RHBDF2: variants seen among roughly 807,000 people sequenced by gnomAD.
RHBDF2 encodes the protein inactive rhomboid protein 2.
A neutral mutation model predicts 95.2 loss-of-function variants in RHBDF2; 38 were observed. The ratio of observed to expected loss-of-function variants is 0.40; its 90% CI spans 0.31 to 0.52. The LOEUF is 0.52. Ranked by LOEUF, RHBDF2 falls within the 20% of genes least tolerant of loss-of-function variation. RHBDF2 has a pLI of 0.56. For missense variants in RHBDF2, 863 were observed against 1,137.7 expected (o/e 0.76, Z 3.47); for synonymous variants, 442 against 462.0 (o/e 0.96, Z 0.55).
Position 76,476,766 on chromosome 17 carries a change from A to G in RHBDF2, c.1115+64T>C, listed in dbSNP as rs1598659569. 3 of 1,500,158 alleles carry G rather than the reference A, an allele frequency of 2.0e-6. No individual in the cohort carries two copies. The South Asian group carries it at 3.8e-5, about 19-fold the overall frequency. The allele number at this position is 1,500,158 out of a possible 1,614,324, so 92.9% of individuals were successfully genotyped here. On this transcript the variant is annotated intron_variant, in intron 9 of 18. Coordinates refer to ENST00000675367, the MANE Select transcript of RHBDF2 (RefSeq NM_001005498.4). ...TGCTGAATGAGTAAGGGGGCGCTTCAGGAGGGCCCAGAGGAATTTGGAACC... is the reference window on the plus strand; with the variant it reads ...TGCTGAATGAGTAAGGGGGCGCTTCGGGAGGGCCCAGAGGAATTTGGAACC...
chr17:76,497,357 T>C (rs1233656975), intron 1 of RHBDF2, among the ~76,000 whole-genome samples: 1 of 152,134 alleles, frequency 6.6e-6, no homozygotes, highest in Non-Finnish European at 1.5e-5. Context: ...GGAAAACCCC[T>C]GGGCAGAGGT....
chr17:76,473,328 C>CT lies in RHBDF2; in HGVS notation c.1734-2dup, dbSNP rs772092862. Reference sequence around the variant, plus strand: ...GTATTCCCGGGTGGTGATCTCACAGCTAAGGGGGTGGTGAGGCAAGAGGGG... The same window carrying CT: ...GTATTCCCGGGTGGTGATCTCACAGCTTAAGGGGGTGGTGAGGCAAGAGGGG... On this transcript the variant is annotated splice_acceptor_variant, in intron 15 of 18. Coordinates refer to ENST00000675367, the MANE Select transcript of RHBDF2 (RefSeq NM_001005498.4). LOFTEE classifies it high-confidence loss of function. The CT allele has an allele frequency of 3.7e-6, 6 of 1,610,368 alleles. No homozygotes were observed. Among genetic ancestry groups the CT allele is most frequent in the Non-Finnish European group, 5.1e-6 (6 of 1,178,150 alleles).
chr17:76,498,603 C>A (rs1358557167), intron 1 of RHBDF2, among the ~76,000 whole-genome samples: 1 of 152,234 alleles, frequency 6.6e-6, no homozygotes, highest in Non-Finnish European at 1.5e-5. Flanking sequence ...AGAGTTTACA[C>A]AGCAAGGACA....
chr17:76,491,337 C>T (rs144357228), intron 1 of RHBDF2, among the ~76,000 whole-genome samples: 1 of 152,198 alleles, frequency 6.6e-6, no homozygotes, highest in Non-Finnish European at 1.5e-5. Flanking sequence ...GGATCCGCTG[C>T]ATGGCTGGCA....
intron 2 of RHBDF2, among the ~76,000 whole-genome samples, chr17:76,486,952 CTTTTTTTTTT>C (rs34202592): frequency 2.8e-5 from 2 of 72,624 alleles, no homozygotes; most frequent in South Asian, 6.2e-4. Context: ...CGCTTCCTGC[CTTTTTTTTTT>C]TTTTTTTTTT....
At chr17:76,486,932 G>A (rs889937826) in intron 2 of RHBDF2, among the ~76,000 whole-genome samples, 23 of 148,772 alleles carry the variant, frequency 1.5e-4, no homozygotes, top group Non-Finnish European at 1.9e-4. Flanking sequence ...GAGCAGTGCC[G>A]GTCCCACCTC....
At chr17:76,483,930 C>T (rs915737890) in intron 2 of RHBDF2, among the ~76,000 whole-genome samples, 2 of 152,172 alleles carry the variant, frequency 1.3e-5, no homozygotes, top group African/African-American at 4.8e-5. Context: ...CTCTTCGTTT[C>T]GTCTCTTGCT....
Position 76,471,646 on chromosome 17 carries a change from T to C in RHBDF2, c.2471A>G (p.Gln824Arg), listed in dbSNP as rs750129096. ...GTGGCCCAGCGGTCAGTGCAGCACCTGGTCCAGCTCATACTTCTCGCAGAA... is the reference window on the plus strand; with the variant it reads ...GTGGCCCAGCGGTCAGTGCAGCACCCGGTCCAGCTCATACTTCTCGCAGAA... ...SRFCEKYELD[Q>R]VLH Residue 824 changes from glutamine (Q) to arginine (R), a missense_variant, in exon 19 of 19, where the codon CAG becomes CGG. Transcript: ENST00000675367. 1.2e-5 allele frequency: 19 copies of C among 1,602,476 alleles called. No homozygotes were observed. Among genetic ancestry groups the C allele is most frequent in the Non-Finnish European group, 1.5e-5 (18 of 1,174,480 alleles).
In RHBDF2 at chr17:76,472,824, G is replaced by T; in HGVS notation, c.1926C>A (p.Leu642=). 1 of 1,596,172 alleles carries T rather than the reference G, an allele frequency of 6.3e-7. No homozygotes were observed. Among genetic ancestry groups the T allele is most frequent in the Non-Finnish European group, 8.5e-7 (1 of 1,171,234 alleles). ...TGGTCATTTGAAAGACCACAGACAC[G>T]AGGCAGTGCACCACGCTGGGGGAGG... ...LFLHAGVVHC[L]VSVVFQMTIL... is the part of the protein sequence containing the mutation. Residue 642 remains leucine, a synonymous_variant, in exon 18 of 19, where the codon CTC becomes CTA. Transcript: ENST00000675367.
intron 2 of RHBDF2, among the ~76,000 whole-genome samples, chr17:76,482,479 AG>A (rs1007057593): frequency 6.6e-6 from 1 of 151,884 alleles, no homozygotes; most frequent in African/African-American, 2.4e-5. Context: ...CATTTTTCAA[AG>A]ATAACTAAAA....
chr17:76,488,853 C>A (rs1005781378), intron 1 of RHBDF2, among the ~76,000 whole-genome samples: 1 of 152,166 alleles, frequency 6.6e-6, no homozygotes, highest in Non-Finnish European at 1.5e-5. Context: ...GAGGCTGAGG[C>A]AGGAGAATCA....
rs1215992987 is a variant in RHBDF2 at position 76,481,388 on chromosome 17, C to T, written c.137G>A (p.Ser46Asn). The part of the protein sequence containing the change: ...KETQAPGEQD[S>N]MLPERKNPAY... The stretch of plus-strand genomic sequence containing the variant: ...CAGCCCCCTTACCTCAGGCAGCATG[C>T]TGTCCTGCTCGCCAGGGGCCTGGGT... The change falls in exon 3 of 19, where the codon AGC (serine) becomes AAC (asparagine). Residue 46 changes from serine (S) to asparagine (N), a missense_variant. By Grantham distance (46) the Ser-to-Asn change is conservative (BLOSUM62 1). Transcript: ENST00000675367. 1.9e-6 allele frequency: 3 copies of T among 1,612,086 alleles called. No individual in the cohort carries two copies. The highest frequency in any genetic ancestry group is 2.2e-5 in the South Asian group (2 of 91,066).
At position 76,481,473 on chromosome 17, in the gene RHBDF2, G is replaced by A. The variant is rs750372098; in HGVS notation, c.52C>T (p.Arg18Cys). Residue 18 changes from arginine to cysteine, a missense_variant, in exon 3 of 19, where the codon CGC becomes TGC. Around this residue, in one of 2 missense-constraint regions of RHBDF2, gnomAD observed 611 missense variants for 725.5 expected, o/e 0.84. Transcript: ENST00000675367. ...GGSVSSVSSS[R>C]LQSRKPPNLS... ...TTGGGTGGCTTCCGGCTCTGCAGGC[G>A]GCTGCTGGACACAGAGGACACGCTC... 2.5e-6 allele frequency: 4 copies of A among 1,612,010 alleles called. No individual in the cohort carries two copies. Among genetic ancestry groups the A allele is most frequent in the Non-Finnish European group, 3.4e-6 (4 of 1,179,914 alleles).
chr17:76,476,708 C>T, intron 9 of RHBDF2, 122 bp downstream of exon 9: 2 of 1,409,420 alleles, frequency 1.4e-6, no homozygotes, highest in Admixed American at 5.0e-5. Flanking sequence ...TGTCACTACA[C>T]TCCTGATCCG....
At chr17:76,487,247 G>A (rs1363327328) in intron 2 of RHBDF2, among the ~76,000 whole-genome samples, 1 of 116,562 alleles carries the variant, frequency 8.6e-6, no homozygotes, top group African/African-American at 3.3e-5. Context: ...CAGCATGCCT[G>A]GCAAATTTTT....
Position 76,477,704 on chromosome 17 carries a change from C to T in RHBDF2, c.754G>A (p.Asp252Asn). ...AACGTGTCTGCCCCATCGACCACATCCTCCTCCAGGAAGCTCGGGAAGGCA... is the reference window on the plus strand; with the variant it reads ...AACGTGTCTGCCCCATCGACCACATTCTCCTCCAGGAAGCTCGGGAAGGCA... ...SFAFPSFLEE[D>N]VVDGADTFDS... The change falls in exon 7 of 19, where the codon GAT (aspartate) becomes AAT (asparagine). Residue 252 changes from aspartate to asparagine, a missense_variant. Transcript: ENST00000675367. 1 of 1,614,122 alleles carries T rather than the reference C, an allele frequency of 6.2e-7. No individual in the cohort carries two copies. The highest frequency in any genetic ancestry group is 8.5e-7 in the Non-Finnish European group (1 of 1,180,018).
Position 76,477,737 on chromosome 17 carries a change from G to C in RHBDF2, c.721C>G (p.Arg241Gly). ...ATGQRCRVVK[R>G]SFAFPSFLEE... ...AGGAAGCTCGGGAAGGCAAAGCTGC[G>C]CTTGACCACCCGGCACCGCTGTCCG... Residue 241 changes from arginine (R) to glycine (G), a missense_variant, in exon 7 of 19, where the codon CGC becomes GGC. Arg to Gly is a moderately radical substitution (Grantham distance 125). This residue lies in a region of RHBDF2 where 611 missense variants were observed against 725.5 expected (regional missense o/e 0.84). Transcript: ENST00000675367. The C allele has an allele frequency of 6.2e-7, 1 of 1,613,712 alleles. No individual in the cohort carries two copies. Among genetic ancestry groups the C allele is most frequent in the South Asian group, 1.1e-5 (1 of 91,080 alleles).
chr17:76,472,120 G>A (rs1277671448), intron 18 of RHBDF2, 68 bp from the exon 19 acceptor site: 1 of 1,421,304 alleles, frequency 7.0e-7, no homozygotes, highest in Admixed American at 2.3e-5. Context: ...CCTGCACCCT[G>A]GGTCATCCCA....
Position 76,474,053 on chromosome 17 carries a change from A to G in RHBDF2, c.1554T>C (p.Ala518=), listed in dbSNP as rs1567873126. 1.9e-6 allele frequency: 3 copies of G among 1,613,286 alleles called. No individual in the cohort carries two copies. Among genetic ancestry groups the G allele is most frequent in the East Asian group, 2.2e-5 (1 of 44,872 alleles). ...SDLGQKRTSG[A]VCHQDPRTCE... is the part of the protein sequence containing the mutation. ...CCTACCTGGGGTCCTGGTGGCAGACAGCCCCCGAAGTCCGCTTCTGGCCCA... is the reference window on the plus strand; with the variant it reads ...CCTACCTGGGGTCCTGGTGGCAGACGGCCCCCGAAGTCCGCTTCTGGCCCA... The change falls in exon 13 of 19, where the codon GCT becomes GCC. Residue 518 remains alanine (A), a synonymous_variant. Transcript: ENST00000675367.
Sources: allele counts gnomAD v4.1 joint callset (sites outside exome capture counted in the v4.1 genomes callset), GRCh38; gene constraint gnomAD v4.1.1; regional missense constraint gnomAD v4.1.1; transcripts MANE v1.5; gene names NCBI Gene and HGNC (gene_info 2026-07-23, HGNC 2026-07-21).